ENAH: variants seen among roughly 807,000 people sequenced by gnomAD.
ENAH encodes protein enabled homolog.
ENAH carries 23 observed loss-of-function variants against 78.7 expected under a neutral mutation model. The ratio of observed to expected loss-of-function variants is 0.29; its 90% CI spans 0.21 to 0.41. The LOEUF is 0.41. Ranked by LOEUF, ENAH falls within the 10% of genes least tolerant of loss-of-function variation. The probability of loss-of-function intolerance (pLI) is 1.00; values close to 1 mark genes in which losing one functional copy is unlikely to be tolerated. For missense variants in ENAH, 544 were observed against 691.0 expected (o/e 0.79, Z 2.39); for synonymous variants, 226 against 241.0 (o/e 0.94, Z 0.58).
At chr1:225,523,294 AAGT>A (rs2096483583) in intron 4 of ENAH, among the ~76,000 whole-genome samples, 1 of 151,430 alleles carries the variant, frequency 6.6e-6, no homozygotes, top group Non-Finnish European at 1.5e-5. Context: ...AACACACAAA[AAGT>A]AAGCTTAAGT....
In ENAH at chr1:225,519,408, G is replaced by A. The variant is rs762672464; in HGVS notation, c.592C>T (p.Arg198Trp). The change falls in exon 5 of 14, where the codon CGG (arginine) becomes TGG (tryptophan). Residue 198 changes from arginine to tryptophan, a missense_variant. Arg to Trp is a moderately radical substitution (Grantham distance 101). This residue lies in a region of ENAH where 366 missense variants were observed against 396.1 expected (regional missense o/e 0.92). Coordinates refer to ENST00000366843, the MANE Select transcript of ENAH (RefSeq NM_018212.6). ...CGCTCCAGGCGTTCCTGCCGTTCCC[G>A]TTCTTGTCTCTCTCTCTCCAGCTGT... ...QEQLERERQE[R>W]ERQERLERQE... The A allele has an allele frequency of 1.7e-5, 27 of 1,613,778 alleles. No homozygotes were observed. Among genetic ancestry groups the A allele is most frequent in the Non-Finnish European group, 2.2e-5 (26 of 1,179,962 alleles).
intron 1 of ENAH, among the ~76,000 whole-genome samples, chr1:225,592,182 CTGCT>C (rs1019806203): frequency 6.6e-5 from 10 of 152,208 alleles, no homozygotes; most frequent in Non-Finnish European, 1.3e-4. Context: ...ATCTAGCTAT[CTGCT>C]AGAACCACAA....
chr1:225,597,716 G>A (rs1347992395), intron 1 of ENAH, among the ~76,000 whole-genome samples: 1 of 148,984 alleles, frequency 6.7e-6, no homozygotes, highest in African/African-American at 2.5e-5. Context: ...AATGTGCCAT[G>A]TGAATTGAAT....
Position 225,633,961 on chromosome 1 carries a change from T to C in ENAH, c.5+18725A>G, listed in dbSNP as rs190913547. Among the ~76,000 whole-genome samples, 225 of 152,336 alleles carry C rather than the reference T, an allele frequency of 1.5e-3. 1 individual carries two copies. The highest frequency in any genetic ancestry group is 9.9e-3 in the South Asian group (48 of 4,828). On this transcript the variant is annotated intron_variant, in intron 1 of 13. Transcript: ENST00000366843. ...CAGGTCTTTGGAACTCAAAAGCTAA[T>C]CTTTAAAAATAAGTTTATTTTAAGT... is the stretch of plus-strand genomic sequence containing the variant.
At chr1:225,626,146 A>G (rs1436090363) in intron 1 of ENAH, among the ~76,000 whole-genome samples, 1 of 152,252 alleles carries the variant, frequency 6.6e-6, no homozygotes, top group Non-Finnish European at 1.5e-5. Flanking sequence ...AATATGAAAG[A>G]GTCCTATTTA....
chr1:225,536,975 T>C (rs186996787), intron 3 of ENAH, among the ~76,000 whole-genome samples: 1 of 152,146 alleles, frequency 6.6e-6, no homozygotes, highest in East Asian at 1.9e-4. Context: ...AGATAAACAA[T>C]TTAGAATATT....
chr1:225,559,871 G>C (rs1365969801), intron 2 of ENAH, among the ~76,000 whole-genome samples: 2 of 152,058 alleles, frequency 1.3e-5, no homozygotes, highest in Non-Finnish European at 2.9e-5. Context: ...GTGAGATCAA[G>C]GTAAACAACA....
chr1:225,501,146 A>G, intron 11 of ENAH, 76 bp from the exon 12 acceptor site: 1 of 1,068,262 alleles, frequency 9.4e-7, no homozygotes, highest in South Asian at 1.6e-5. Context: ...TTGCAAATTT[A>G]CCAACCCAAC....
chr1:225,648,269 T>A (rs1031341298), intron 1 of ENAH, among the ~76,000 whole-genome samples: 10 of 152,180 alleles, frequency 6.6e-5, no homozygotes, highest in Non-Finnish European at 1.3e-4. Context: ...TTTACTCCCC[T>A]ACAACCATAT....
intron 1 of ENAH, among the ~76,000 whole-genome samples, chr1:225,601,112 G>C (rs924119739): frequency 2.6e-5 from 4 of 152,060 alleles, no homozygotes; most frequent in African/African-American, 9.7e-5. Context: ...ACAATTAACA[G>C]AACTGTCAGA....
intron 11 of ENAH, among the ~76,000 whole-genome samples, chr1:225,503,768 T>C (rs2096303401): frequency 6.6e-6 from 1 of 151,666 alleles, no homozygotes; most frequent in South Asian, 2.1e-4. Flanking sequence ...TGATCATTAA[T>C]AGCATAAAAA....
intron 1 of ENAH, among the ~76,000 whole-genome samples, chr1:225,621,012 G>GA (rs974510245): frequency 1.3e-5 from 2 of 151,420 alleles, no homozygotes; most frequent in African/African-American, 4.8e-5. Flanking sequence ...CAAAAAAAAA[G>GA]AAAAAAAAGT....
chr1:225,530,449 G>T, intron 4 of ENAH, 105 bp downstream of exon 4: 1 of 846,418 alleles, frequency 1.2e-6, no homozygotes. Flanking sequence ...TAAAAGTTGT[G>T]ACTCTTAAAC....
intron 1 of ENAH, among the ~76,000 whole-genome samples, chr1:225,649,910 T>C (rs1662658952): frequency 6.6e-6 from 1 of 152,228 alleles, no homozygotes; most frequent in South Asian, 2.1e-4. Context: ...GGCATTCCTA[T>C]TTCTGGATGG....
chr1:225,546,073 G>A (rs916124371), intron 3 of ENAH, among the ~76,000 whole-genome samples: 6 of 151,728 alleles, frequency 4.0e-5, no homozygotes, highest in Admixed American at 1.3e-4. Flanking sequence ...ATAGATGTAC[G>A]CCATCATGCC....
rs573611981 is a variant in ENAH, at chr1:225,629,040, G to A, written c.5+23646C>T. Among the ~76,000 whole-genome samples, 10 of 152,274 alleles carry A rather than the reference G, an allele frequency of 6.6e-5. No individual in the cohort carries two copies. The South Asian group carries it at 1.9e-3, about 28-fold the overall frequency. The stretch of plus-strand genomic sequence containing the variant: ...TACAACTGTAATCCCAGGACTTTGG[G>A]AGGCCGAGGCGGGCAGATAACGAGG... On this transcript the variant is annotated intron_variant, in intron 1 of 13. Transcript: ENST00000366843.
At chr1:225,595,115 A>G (rs528726234) in intron 1 of ENAH, among the ~76,000 whole-genome samples, 1 of 152,296 alleles carries the variant, frequency 6.6e-6, no homozygotes, top group Admixed American at 6.5e-5. Flanking sequence ...CAGGTGGATC[A>G]CAAGGTCAGG....
In ENAH at chr1:225,652,870, G is replaced by A. The variant is rs966340264; in HGVS notation, c.-180C>T. 5 of 416,402 alleles carry A rather than the reference G, an allele frequency of 1.2e-5. No individual in the cohort carries two copies. Among genetic ancestry groups the A allele is most frequent in the Non-Finnish European group, 2.1e-5 (5 of 242,974 alleles). The allele number at this position is 416,402 out of a possible 1,614,324, so 25.8% of individuals were successfully genotyped here. ...TCGCACAAAGCCGAGGCGCCGGCCG[G>A]GAGTGTGGGAGAAGAGGGCGAGAGA... On this transcript the variant is annotated 5_prime_UTR_variant, in exon 1 of 14. Coordinates refer to ENST00000366843, the MANE Select transcript of ENAH (RefSeq NM_018212.6).
rs138276226 is a variant in ENAH at position 225,529,784 on chromosome 1, G to A, written c.434+770C>T. 2.9e-3 allele frequency among the ~76,000 whole-genome samples: 445 copies of A among 152,268 alleles called. 1 individual carries two copies. Among genetic ancestry groups the A allele is most frequent in the Non-Finnish European group, 5.2e-3 (351 of 68,012 alleles). ...TGAGGTCAGCAGGTAGAGAGAACGG[G>A]AATGAGCAGTGCCACAATAATCAAG... is the stretch of plus-strand genomic sequence containing the variant. On this transcript the variant is annotated intron_variant, in intron 4 of 13. Transcript: ENST00000366843.
Sources: allele counts gnomAD v4.1 joint callset (sites outside exome capture counted in the v4.1 genomes callset), GRCh38; gene constraint gnomAD v4.1.1; regional missense constraint gnomAD v4.1.1; transcripts MANE v1.5; gene names NCBI Gene and HGNC (gene_info 2026-07-23, HGNC 2026-07-21).